Variants in DPYD observed in about 807,000 individuals in gnomAD.
DPYD encodes dihydropyrimidine dehydrogenase [NADP(+)].
A neutral mutation model predicts 116.2 loss-of-function variants in DPYD; 109 were observed. That is an observed-to-expected ratio of 0.94 (90% CI 0.80 to 1.10). DPYD has a LOEUF of 1.10. DPYD is among the 50% of genes least tolerant of loss of function. DPYD has a pLI of 0.00. For synonymous variants in DPYD, 440 were observed against 432.0 expected (o/e 1.02, Z -0.23); for missense variants, 1,302 against 1,254.5 (o/e 1.04, Z -0.57).
intron 16 of DPYD, among the ~76,000 whole-genome samples, chr1:97,319,413 C>T (rs1412193401): frequency 7.9e-6 from 1 of 126,880 alleles, no homozygotes. Flanking sequence ...ACCACCGATC[C>T]CACAGAAATA....
chr1:97,559,451 C>T (rs926069985), intron 11 of DPYD, among the ~76,000 whole-genome samples: 1 of 152,240 alleles, frequency 6.6e-6, no homozygotes, highest in Non-Finnish European at 1.5e-5. Flanking sequence ...ACTGCCATGA[C>T]TAATTATGTA....
intron 14 of DPYD, among the ~76,000 whole-genome samples, chr1:97,430,802 C>G (rs1570722607): frequency 1.3e-5 from 2 of 152,236 alleles, no homozygotes; most frequent in South Asian, 4.1e-4. Flanking sequence ...TCCCCAACAT[C>G]TGATTCCTCT....
At chr1:97,280,255 A>G (rs535198318) in intron 18 of DPYD, 1 of 152,336 alleles carries the variant, frequency 6.6e-6, no homozygotes, top group South Asian at 2.1e-4. Flanking sequence ...TAATCAAAAT[A>G]AATAAATGAA....
chr1:97,359,667 A>G (rs111244535), intron 16 of DPYD, among the ~76,000 whole-genome samples: 14,850 of 152,266 alleles, frequency 0.098, 908 homozygotes, highest in East Asian at 0.18. Flanking sequence ...ACATTCTTAA[A>G]GAAAAGAATT....
intron 14 of DPYD, among the ~76,000 whole-genome samples, chr1:97,436,840 G>C (rs1315279580): frequency 6.6e-6 from 1 of 151,846 alleles, no homozygotes; most frequent in Non-Finnish European, 1.5e-5. Flanking sequence ...TAATTGACTG[G>C]TAACTTGAAG....
At chr1:97,106,087 T>C (rs972826745) in intron 20 of DPYD, among the ~76,000 whole-genome samples, 9 of 152,062 alleles carry the variant, frequency 5.9e-5, no homozygotes, top group Admixed American at 5.2e-4. Context: ...CAGATCCTCA[T>C]AGTGGCAGAA....
At chr1:97,544,488 T>C (rs985581572) in intron 12 of DPYD, among the ~76,000 whole-genome samples, 1 of 152,218 alleles carries the variant, frequency 6.6e-6, no homozygotes. Flanking sequence ...CCTAGCAATA[T>C]GTGTTTTTAA....
chr1:97,756,159 T>C (rs1387718867), intron 3 of DPYD, among the ~76,000 whole-genome samples: 1 of 152,142 alleles, frequency 6.6e-6, no homozygotes, highest in Admixed American at 6.6e-5. Flanking sequence ...GTATGTTGAA[T>C]AAAAATAAAC....
chr1:97,669,557 T>C (rs1395119907), intron 8 of DPYD, among the ~76,000 whole-genome samples: 2 of 152,146 alleles, frequency 1.3e-5, no homozygotes, highest in African/African-American at 2.4e-5. Flanking sequence ...ATAGATTTAC[T>C]TAAAATATTT....
intron 1 of DPYD, among the ~76,000 whole-genome samples, chr1:97,914,952 G>A (rs895382873): frequency 6.6e-6 from 1 of 152,022 alleles, no homozygotes; most frequent in African/African-American, 2.4e-5. Context: ...ACCACTAGTT[G>A]ATTACTAGAG....
chr1:97,458,658 G>A (rs1676843238), intron 13 of DPYD, among the ~76,000 whole-genome samples: 1 of 152,174 alleles, frequency 6.6e-6, no homozygotes, highest in Non-Finnish European at 1.5e-5. Flanking sequence ...CCAAGAAAGA[G>A]TGATGCTCTC....
chr1:97,679,751 C>A (rs1485079340), intron 7 of DPYD, among the ~76,000 whole-genome samples: 1 of 152,018 alleles, frequency 6.6e-6, no homozygotes, highest in African/African-American at 2.4e-5. Context: ...AGGGTAGTCA[C>A]CCCTAGTAAA....
intron 13 of DPYD, among the ~76,000 whole-genome samples, chr1:97,491,974 G>T (rs948118426): frequency 6.6e-6 from 1 of 152,092 alleles, no homozygotes; most frequent in African/African-American, 2.4e-5. Context: ...GTATTCTGCG[G>T]CAGGTTTCCC....
At chr1:97,148,945 CAG>C (rs374344885) in intron 20 of DPYD, among the ~76,000 whole-genome samples, 26 of 152,266 alleles carry the variant, frequency 1.7e-4, no homozygotes, top group Non-Finnish European at 3.2e-4. Context: ...AAGTTTACAA[CAG>C]AGTCTTTTGT....
intron 16 of DPYD, among the ~76,000 whole-genome samples, chr1:97,352,493 C>T (rs1472719559): frequency 6.7e-6 from 1 of 149,774 alleles, no homozygotes; most frequent in Non-Finnish European, 1.5e-5. Flanking sequence ...GAAATAGTGT[C>T]AAAAATTTGT....
intron 18 of DPYD, among the ~76,000 whole-genome samples, chr1:97,289,040 A>C (rs1249773590): frequency 2.0e-5 from 3 of 152,170 alleles, no homozygotes; most frequent in South Asian, 2.1e-4. Context: ...AAACTACCAT[A>C]AGAGAATACT....
intron 20 of DPYD, among the ~76,000 whole-genome samples, chr1:97,174,438 C>T (rs1657104840): frequency 1.3e-5 from 2 of 151,470 alleles, no homozygotes; most frequent in Non-Finnish European, 3.0e-5. Context: ...AGCCAGCCTC[C>T]CTGATGTGAA....
At chr1:97,185,906 G>A (rs1201869192) in intron 20 of DPYD, among the ~76,000 whole-genome samples, 1 of 152,164 alleles carries the variant, frequency 6.6e-6, no homozygotes, top group African/African-American at 2.4e-5. Context: ...GGATTTCACG[G>A]ATATATGTGT....
intron 3 of DPYD, among the ~76,000 whole-genome samples, chr1:97,757,734 G>T (rs1303843941): frequency 2.6e-5 from 4 of 151,990 alleles, no homozygotes; most frequent in African/African-American, 9.7e-5. Context: ...ATTAAATACA[G>T]AATATAAAGT....
Sources: allele counts gnomAD v4.1 joint callset (sites outside exome capture counted in the v4.1 genomes callset), GRCh38; gene constraint gnomAD v4.1.1; transcripts MANE v1.5; gene names NCBI Gene and HGNC (gene_info 2026-07-23, HGNC 2026-07-21).